ST8SIA1: variants seen among roughly 807,000 people sequenced by gnomAD.
ST8SIA1 encodes alpha-N-acetylneuraminide alpha-2,8-sialyltransferase.
A neutral mutation model predicts 35.9 loss-of-function variants in ST8SIA1; 16 were observed. That is an observed-to-expected ratio of 0.45 (90% CI 0.30 to 0.68). The LOEUF is 0.68. ST8SIA1 is among the 30% of genes least tolerant of loss of function. ST8SIA1 has a pLI of 0.09. For missense variants in ST8SIA1, 383 were observed against 453.6 expected (o/e 0.84, Z 1.41); for synonymous variants, 170 against 169.6 (o/e 1.00, Z -0.02).
intron 2 of ST8SIA1, among the ~76,000 whole-genome samples, chr12:22,281,596 A>G (rs768631785): frequency 6.6e-6 from 1 of 152,218 alleles, no homozygotes; most frequent in Non-Finnish European, 1.5e-5. Flanking sequence ...AAAGCCAAAA[A>G]GAGACTAGAG....
intron 4 of ST8SIA1, among the ~76,000 whole-genome samples, chr12:22,221,113 C>T (rs558658186): frequency 2.6e-5 from 4 of 152,260 alleles, no homozygotes; most frequent in South Asian, 4.1e-4. Context: ...AAGATGGCTC[C>T]CTCCTAGGCC....
chr12:22,305,604 C>T (rs1866374881), intron 1 of ST8SIA1, among the ~76,000 whole-genome samples: 1 of 152,110 alleles, frequency 6.6e-6, no homozygotes, highest in Admixed American at 6.5e-5. Context: ...TGTCCTCGAA[C>T]TCCTGACCTC....
At position 22,202,048 on chromosome 12, in the gene ST8SIA1, A is replaced by G; in HGVS notation, c.585-10T>C. 1 of 1,512,618 alleles carries G rather than the reference A, an allele frequency of 6.6e-7. No individual in the cohort carries two copies. Among genetic ancestry groups the G allele is most frequent in the South Asian group, 1.3e-5 (1 of 77,572 alleles). The allele number at this position is 1,512,618 out of a possible 1,614,324, so 93.7% of individuals were successfully genotyped here. A position where few individuals can be genotyped will look rare whatever the true frequency, so the allele number is the denominator to read the frequency against. On this transcript the variant is annotated splice_polypyrimidine_tract_variant and intron_variant, in intron 4 of 4. Coordinates refer to ENST00000396037, the MANE Select transcript of ST8SIA1 (RefSeq NM_003034.4). ...CAGAAGGTTCTGAAACCTATTGAAG[A>G]AAAAAAAAACTGTTCAATTAAACCT...
chr12:22,277,211 A>G (rs1865979824), intron 2 of ST8SIA1, among the ~76,000 whole-genome samples: 1 of 152,172 alleles, frequency 6.6e-6, no homozygotes, highest in Non-Finnish European at 1.5e-5. Flanking sequence ...ATGCTGCTCC[A>G]GCTGACTTAG....
chr12:22,213,667 G>T (rs943482344), intron 4 of ST8SIA1, among the ~76,000 whole-genome samples: 1 of 152,194 alleles, frequency 6.6e-6, no homozygotes, highest in East Asian at 1.9e-4. Context: ...AGCCTTGGGA[G>T]CAGCTAGAGG....
At position 22,215,960 on chromosome 12, in the gene ST8SIA1, G is replaced by C. The variant is rs535998378; in HGVS notation, c.585-13922C>G. Among the ~76,000 whole-genome samples, 9 of 152,296 alleles carry C rather than the reference G, an allele frequency of 5.9e-5. No individual in the cohort carries two copies. The South Asian group carries it at 1.9e-3, about 32-fold the overall frequency. On this transcript the variant is annotated intron_variant, in intron 4 of 4. Coordinates refer to ENST00000396037, the MANE Select transcript of ST8SIA1 (RefSeq NM_003034.4). ...TAAGGGAATGGTGGAACCAGAGATGGAATAATTTGGGGTCCATAAATGACA... is the reference window on the plus strand; with the variant it reads ...TAAGGGAATGGTGGAACCAGAGATGCAATAATTTGGGGTCCATAAATGACA...
intron 2 of ST8SIA1, among the ~76,000 whole-genome samples, chr12:22,271,328 A>G (rs1865909593): frequency 6.6e-6 from 1 of 152,230 alleles, no homozygotes; most frequent in African/African-American, 2.4e-5. Context: ...GCACAACTTA[A>G]TTGAGGAAAA....
chr12:22,273,015 G>A (rs1289197150), intron 2 of ST8SIA1, among the ~76,000 whole-genome samples: 4 of 152,174 alleles, frequency 2.6e-5, no homozygotes, highest in African/African-American at 9.7e-5. Context: ...AGCGCTCGGG[G>A]TCACCCTGTT....
At chr12:22,332,840 C>T (rs943689887) in intron 1 of ST8SIA1, among the ~76,000 whole-genome samples, 1 of 151,926 alleles carries the variant, frequency 6.6e-6, no homozygotes, top group African/African-American at 2.4e-5. Context: ...AAAATGTTTA[C>T]ATTAGAACTC....
intron 1 of ST8SIA1, chr12:22,326,194 T>C: frequency 3.2e-6 from 1 of 309,752 alleles, no homozygotes; most frequent in Non-Finnish European, 5.9e-6. Context: ...CTTGTATTCA[T>C]CACTGTATTG....
intron 2 of ST8SIA1, among the ~76,000 whole-genome samples, chr12:22,264,816 T>G (rs7978882): frequency 0.015 from 2,277 of 152,310 alleles, 65 homozygotes; most frequent in African/African-American, 0.052. Flanking sequence ...CTGCTAAGAT[T>G]TGTATTCCCC....
At chr12:22,252,622 T>C (rs1392461652) in intron 3 of ST8SIA1, among the ~76,000 whole-genome samples, 1 of 152,228 alleles carries the variant, frequency 6.6e-6, no homozygotes, top group African/African-American at 2.4e-5. Flanking sequence ...CCCCATATTT[T>C]AGAAACATTA....
intron 1 of ST8SIA1, chr12:22,325,043 G>A (rs1739193561): frequency 6.1e-6 from 1 of 163,706 alleles, no homozygotes; most frequent in Admixed American, 6.4e-5. Context: ...ATACACAAAA[G>A]AGACTGTTTA....
At chr12:22,300,960 T>A (rs774336364) in intron 1 of ST8SIA1, among the ~76,000 whole-genome samples, 2 of 152,144 alleles carry the variant, frequency 1.3e-5, no homozygotes, top group Admixed American at 1.3e-4. Context: ...TGTATTTGTA[T>A]AAATATGTTA....
chr12:22,273,380 C>T (rs1003757125), intron 2 of ST8SIA1, among the ~76,000 whole-genome samples: 5 of 152,194 alleles, frequency 3.3e-5, no homozygotes, highest in Non-Finnish European at 7.3e-5. Flanking sequence ...TCAATCAATA[C>T]AAGCTACCTA....
chr12:22,258,079 C>A (rs181174488), intron 2 of ST8SIA1, among the ~76,000 whole-genome samples: 8 of 151,864 alleles, frequency 5.3e-5, no homozygotes, highest in African/African-American at 1.9e-4. Flanking sequence ...TAGCCAGAAG[C>A]TGGATATATT....
intron 1 of ST8SIA1, among the ~76,000 whole-genome samples, chr12:22,289,875 G>A (rs1223621510): frequency 6.6e-6 from 1 of 152,178 alleles, no homozygotes; most frequent in East Asian, 1.9e-4. Flanking sequence ...AAGAAGACAG[G>A]TTACATTATT....
intron 1 of ST8SIA1, chr12:22,326,002 C>A: frequency 1.7e-6 from 1 of 571,796 alleles, no homozygotes; most frequent in Non-Finnish European, 3.1e-6. Context: ...TCACGCTACT[C>A]AAAACAGAGC....
chr12:22,229,422 G>A (rs66686185), intron 4 of ST8SIA1, among the ~76,000 whole-genome samples: 18,846 of 151,904 alleles, frequency 0.12, 1,510 homozygotes, highest in Middle Eastern at 0.29. Context: ...TTTGAGACCA[G>A]CCTGGGCAAC....
Sources: allele counts gnomAD v4.1 joint callset (sites outside exome capture counted in the v4.1 genomes callset), GRCh38; gene constraint gnomAD v4.1.1; transcripts MANE v1.5; gene names NCBI Gene and HGNC (gene_info 2026-07-23, HGNC 2026-07-21).